The following MTSS1 variants were observed in gnomAD, a reference collection of about 807,000 sequenced individuals.
MTSS1 encodes protein MTSS 1.
Under a neutral mutation model 79.0 loss-of-function variants are expected in MTSS1, and 18 were observed. The ratio of observed to expected loss-of-function variants is 0.23; its 90% CI spans 0.16 to 0.34. The LOEUF is 0.34. Among genes scored for constraint, MTSS1 ranks in the 10% least tolerant of loss-of-function variants. The probability of loss-of-function intolerance (pLI) is 1.00; values close to 1 mark genes in which losing one functional copy is unlikely to be tolerated. For missense variants in MTSS1, 815 were observed against 986.2 expected (o/e 0.83, Z 2.33); for synonymous variants, 341 against 368.6 (o/e 0.93, Z 0.86).
chr8:124,557,591 G>C, intron 11 of MTSS1, 90 bp downstream of exon 11: 1 of 1,273,630 alleles, frequency 7.9e-7, no homozygotes, highest in Non-Finnish European at 1.1e-6. Context: ...GGAAGGGGAT[G>C]AGGGGATAGT....
intron 3 of MTSS1, among the ~76,000 whole-genome samples, chr8:124,622,199 A>G (rs1309057187): frequency 6.6e-6 from 1 of 152,170 alleles, no homozygotes; most frequent in Non-Finnish European, 1.5e-5. Context: ...GAAACCAGAC[A>G]CAGAAAGACA....
At chr8:124,664,483 A>G (rs1190838858) in intron 3 of MTSS1, among the ~76,000 whole-genome samples, 1 of 152,200 alleles carries the variant, frequency 6.6e-6, no homozygotes, top group Non-Finnish European at 1.5e-5. Flanking sequence ...TATGTAGACC[A>G]GAGTTTAGGA....
In MTSS1 at chr8:124,704,113, C is replaced by A. The variant is rs1564025204; in HGVS notation, c.134+17G>T. 1 of 1,611,612 alleles carries A rather than the reference C, an allele frequency of 6.2e-7. No individual in the cohort carries two copies. Among genetic ancestry groups the A allele is most frequent in the East Asian group, 2.2e-5 (1 of 44,866 alleles). The stretch of plus-strand genomic sequence containing the variant: ...AGGATGTTGTCCTTTTCCTGTAGAA[C>A]ATGTGCTTCTACTTACCGAAGCTGG... On this transcript the variant is annotated intron_variant, in intron 2 of 13. Transcript: ENST00000518547.
intron 12 of MTSS1, 85 bp from the exon 13 acceptor site, chr8:124,555,989 T>C (rs553680247): frequency 6.4e-7 from 1 of 1,565,048 alleles, no homozygotes; most frequent in East Asian, 2.3e-5. Context: ...GAGCACTACA[T>C]GTCTGTGGGG....
At chr8:124,585,475 C>T (rs749450679) in intron 5 of MTSS1, among the ~76,000 whole-genome samples, 4 of 151,762 alleles carry the variant, frequency 2.6e-5, no homozygotes, top group Non-Finnish European at 1.5e-5. Context: ...AGTGCAGTGG[C>T]ATGATCTCGG....
intron 3 of MTSS1, among the ~76,000 whole-genome samples, chr8:124,612,565 A>G (rs1191398066): frequency 6.9e-6 from 1 of 144,400 alleles, no homozygotes; most frequent in Non-Finnish European, 1.5e-5. Flanking sequence ...TTTAAAGACC[A>G]AGTTTAAAAT....
intron 3 of MTSS1, among the ~76,000 whole-genome samples, chr8:124,676,680 T>C (rs1825348799): frequency 6.6e-6 from 1 of 152,228 alleles, no homozygotes; most frequent in Admixed American, 6.5e-5. Flanking sequence ...GTTAAGAATC[T>C]TCAAGTATCA....
At chr8:124,609,286 C>G (rs1563851049) in intron 3 of MTSS1, among the ~76,000 whole-genome samples, 1 of 152,186 alleles carries the variant, frequency 6.6e-6, no homozygotes, top group Non-Finnish European at 1.5e-5. Context: ...AAACCACACT[C>G]TTCCATTTAA....
chr8:124,571,663 T>A (rs764031325), intron 6 of MTSS1, among the ~76,000 whole-genome samples: 1 of 152,084 alleles, frequency 6.6e-6, no homozygotes, highest in African/African-American at 2.4e-5. Flanking sequence ...GGTAGCAATT[T>A]AAAAAAATAA....
chr8:124,561,651 CAATT>C (rs1283883905), intron 10 of MTSS1, among the ~76,000 whole-genome samples: 9 of 152,092 alleles, frequency 5.9e-5, no homozygotes. Context: ...GTTAATTTGT[CAATT>C]AAACACACAC....
chr8:124,556,437 GCCTCTGC>G, intron 11 of MTSS1, 32 bp from the exon 12 acceptor site: 1 of 1,576,690 alleles, frequency 6.3e-7, no homozygotes. Context: ...AGGAGCCAGG[GCCTCTGC>G]CTCCACTGGA....
intron 3 of MTSS1, among the ~76,000 whole-genome samples, chr8:124,591,568 C>T (rs549372333): frequency 2.6e-5 from 4 of 152,258 alleles, no homozygotes; most frequent in African/African-American, 9.6e-5. Flanking sequence ...TCGACCATGA[C>T]CTGTAGTTTG....
At chr8:124,596,785 T>C (rs1220401746) in intron 3 of MTSS1, among the ~76,000 whole-genome samples, 1 of 152,152 alleles carries the variant, frequency 6.6e-6, no homozygotes, top group African/African-American at 2.4e-5. Context: ...TTCCTTGGCT[T>C]GCAGCTGCAT....
At chr8:124,639,259 ACCCAGGAGG>A (rs1199034874) in intron 3 of MTSS1, among the ~76,000 whole-genome samples, 1 of 152,000 alleles carries the variant, frequency 6.6e-6, no homozygotes, top group Non-Finnish European at 1.5e-5. Context: ...AATCGCTTGA[ACCCAGGAGG>A]CAGAGGTTGC....
At chr8:124,715,709 T>C (rs1264524528) in intron 1 of MTSS1, among the ~76,000 whole-genome samples, 1 of 152,194 alleles carries the variant, frequency 6.6e-6, no homozygotes, top group Non-Finnish European at 1.5e-5. Context: ...TGTCTTTCCA[T>C]TGAATGTCAT....
At chr8:124,666,741 C>T (rs73343988) in intron 3 of MTSS1, among the ~76,000 whole-genome samples, 3,819 of 152,122 alleles carry the variant, frequency 0.025, 164 homozygotes, top group African/African-American at 0.087. Flanking sequence ...GGGTCATCAG[C>T]GCAGAGTGAG....
rs547473430 is a variant in MTSS1, at chr8:124,660,693, C to T, written c.208+38833G>A. Among the ~76,000 whole-genome samples, 11 of 152,304 alleles carry T rather than the reference C, an allele frequency of 7.2e-5. No homozygotes were observed. The East Asian group carries it at 9.6e-4, about 13-fold the overall frequency. ...AATCAGAGCAGCCACAATATTTCTACGAAGCTTGTTCTAAATGCACATGAT... is the reference window on the plus strand; with the variant it reads ...AATCAGAGCAGCCACAATATTTCTATGAAGCTTGTTCTAAATGCACATGAT... On this transcript the variant is annotated intron_variant, in intron 3 of 13. Transcript: ENST00000518547.
intron 3 of MTSS1, among the ~76,000 whole-genome samples, chr8:124,606,568 A>G (rs1304467559): frequency 1.3e-5 from 2 of 152,204 alleles, no homozygotes; most frequent in Non-Finnish European, 2.9e-5. Flanking sequence ...GTCGATAGCT[A>G]GAACTTTCAA....
At chr8:124,577,866 A>G (rs1439170835) in intron 6 of MTSS1, among the ~76,000 whole-genome samples, 1 of 152,158 alleles carries the variant, frequency 6.6e-6, no homozygotes, top group Non-Finnish European at 1.5e-5. Flanking sequence ...CACAGATTCA[A>G]TTTTTACCAT....
Sources: gnomAD v4.1 joint callset for allele counts (sites outside exome capture counted in the v4.1 genomes callset) on GRCh38, gnomAD v4.1.1 for gene constraint, MANE v1.5 for transcripts, NCBI Gene and HGNC (gene_info 2026-07-23, HGNC 2026-07-21) for gene names.